The following ALK variants were observed in gnomAD, a reference collection of about 807,000 sequenced individuals.
The protein encoded by ALK is ALK tyrosine kinase receptor.
A neutral mutation model predicts 163.1 loss-of-function variants in ALK; 74 were observed. The ratio of observed to expected loss-of-function variants is 0.45; its 90% CI spans 0.38 to 0.55. ALK has a LOEUF of 0.55. ALK is among the 20% of genes least tolerant of loss of function. The probability of loss-of-function intolerance (pLI) is 0.00; values close to 1 mark genes in which losing one functional copy is unlikely to be tolerated. For synonymous variants in ALK, 960 were observed against 843.2 expected (o/e 1.14, Z -2.40); for missense variants, 2,063 against 2,105.3 (o/e 0.98, Z 0.39).
At chr2:29,583,736 C>T (rs949561427) in intron 3 of ALK, among the ~76,000 whole-genome samples, 2 of 152,128 alleles carry the variant, frequency 1.3e-5, no homozygotes, top group Non-Finnish European at 2.9e-5. Context: ...ACCTGATGAA[C>T]CAGATAAGCT....
At chr2:29,747,456 C>T (rs1680233791) in intron 1 of ALK, among the ~76,000 whole-genome samples, 1 of 152,134 alleles carries the variant, frequency 6.6e-6, no homozygotes, top group Admixed American at 6.5e-5. Context: ...ATTGAGTTAC[C>T]ATCAGGATAC....
chr2:29,706,228 A>T (rs146893069), intron 2 of ALK, among the ~76,000 whole-genome samples: 1 of 152,216 alleles, frequency 6.6e-6, no homozygotes, highest in East Asian at 1.9e-4. Context: ...AAACTCTCTA[A>T]CTTCACTCTA....
chr2:29,214,579 AATTG>A (rs534922735), intron 23 of ALK, among the ~76,000 whole-genome samples: 16 of 152,336 alleles, frequency 1.1e-4, no homozygotes, highest in East Asian at 7.7e-4. Context: ...CCAGCGCTAA[AATTG>A]ATTGAAAAAG....
intron 23 of ALK, among the ~76,000 whole-genome samples, chr2:29,219,507 G>A (rs527951205): frequency 6.6e-6 from 1 of 152,248 alleles, no homozygotes; most frequent in South Asian, 2.1e-4. Context: ...CGGGAGGGTG[G>A]CCGCTGCTTT....
intron 4 of ALK, among the ~76,000 whole-genome samples, chr2:29,521,808 T>C (rs1672820757): frequency 6.6e-6 from 1 of 152,166 alleles, no homozygotes; most frequent in South Asian, 2.1e-4. Flanking sequence ...TTCCATCTCC[T>C]CAATGCAGAC....
intron 25 of ALK, chr2:29,208,033 T>A (rs1397201067): frequency 4.4e-6 from 2 of 453,118 alleles, no homozygotes; most frequent in Non-Finnish European, 8.9e-6. Context: ...ATATTTAGTA[T>A]GTATCAGGTA....
intron 3 of ALK, among the ~76,000 whole-genome samples, chr2:29,534,733 T>C (rs1214765461): frequency 6.6e-6 from 1 of 152,160 alleles, no homozygotes; most frequent in Non-Finnish European, 1.5e-5. Context: ...GGTGTTGAGG[T>C]ATTGGACTAG....
chr2:29,840,362 G>A (rs1331344020), intron 1 of ALK, among the ~76,000 whole-genome samples: 1 of 152,156 alleles, frequency 6.6e-6, no homozygotes, highest in Non-Finnish European at 1.5e-5. Flanking sequence ...TCTTTCCACA[G>A]TTCCAAAATG....
chr2:29,830,647 T>C (rs996633348), intron 1 of ALK, among the ~76,000 whole-genome samples: 4 of 138,996 alleles, frequency 2.9e-5, no homozygotes, highest in Admixed American at 2.4e-4. Context: ...GGGAGGAGGA[T>C]TGCTTGAGGT....
intron 3 of ALK, among the ~76,000 whole-genome samples, chr2:29,563,664 C>T (rs1382362161): frequency 6.6e-6 from 1 of 152,160 alleles, no homozygotes; most frequent in Middle Eastern, 3.2e-3. Flanking sequence ...TTGCTCCTGA[C>T]CCCCAACTCT....
At chr2:29,548,631 G>A (rs1232023076) in intron 3 of ALK, among the ~76,000 whole-genome samples, 2 of 152,126 alleles carry the variant, frequency 1.3e-5, no homozygotes, top group Non-Finnish European at 2.9e-5. Context: ...TTGTTTTGGA[G>A]CTGAACTTCT....
chr2:29,383,808 C>T lies in ALK; in HGVS notation c.1206G>A (p.Val402=), dbSNP rs1489452308. 2 of 1,614,106 alleles carry T rather than the reference C, an allele frequency of 1.2e-6. No individual in the cohort carries two copies. Among genetic ancestry groups the T allele is most frequent in the Non-Finnish European group, 1.7e-6 (2 of 1,179,992 alleles). ...RIGRPDNPFR[V]ALEYISSGNR... is the part of the protein sequence containing the mutation. ...TTCCACTGGAGATGTATTCCAGGGC[C>T]ACTCGAAATGGGTTGTCTGGACGCC... is the stretch of plus-strand genomic sequence containing the variant. The change falls in exon 5 of 29, where the codon GTG becomes GTA. Residue 402 remains valine, a synonymous_variant. Coordinates refer to ENST00000389048, the MANE Select transcript of ALK (RefSeq NM_004304.5).
chr2:29,444,373 G>A, intron 4 of ALK, among the ~76,000 whole-genome samples: 1 of 144,364 alleles, frequency 6.9e-6, no homozygotes, highest in Admixed American at 6.7e-5. Flanking sequence ...CTGCCCCGTG[G>A]GTGCTCACTG....
intron 3 of ALK, among the ~76,000 whole-genome samples, chr2:29,611,719 T>G (rs1675696773): frequency 6.6e-6 from 1 of 152,102 alleles, no homozygotes; most frequent in South Asian, 2.1e-4. Flanking sequence ...GTGAGTGAAC[T>G]CTCAGGAGAT....
At chr2:29,573,950 T>C (rs1674450869) in intron 3 of ALK, among the ~76,000 whole-genome samples, 1 of 151,272 alleles carries the variant, frequency 6.6e-6, no homozygotes, top group Non-Finnish European at 1.5e-5. Context: ...ACCTGCACAA[T>C]AAAAAGGAGA....
chr2:29,427,396 T>A (rs1338943708), intron 4 of ALK, among the ~76,000 whole-genome samples: 1 of 152,086 alleles, frequency 6.6e-6, no homozygotes, highest in Non-Finnish European at 1.5e-5. Context: ...TGTATGAGAA[T>A]AATAGCATTA....
chr2:29,334,018 G>T (rs1288314977), intron 5 of ALK, among the ~76,000 whole-genome samples: 1 of 152,130 alleles, frequency 6.6e-6, no homozygotes, highest in Non-Finnish European at 1.5e-5. Context: ...GGTCACATGT[G>T]GGTTATCCTT....
At position 29,900,140 on chromosome 2, in the gene ALK, T is replaced by A. The variant is rs77689703; in HGVS notation, c.667+19853A>T. Among the ~76,000 whole-genome samples, 4 of 152,384 alleles carry A rather than the reference T, an allele frequency of 2.6e-5. No homozygotes were observed. In the East Asian group the frequency reaches 7.7e-4, roughly 29 times the overall value. On this transcript the variant is annotated intron_variant, in intron 1 of 28. Transcript: ENST00000389048. ...CGCCAATTTCCCTGTCTTGCCCAGA[T>A]GAATGGGCTTTGGAAAGCACACACA... is the stretch of plus-strand genomic sequence containing the variant.
intron 1 of ALK, among the ~76,000 whole-genome samples, chr2:29,744,483 T>C (rs1170601146): frequency 1.3e-5 from 2 of 152,178 alleles, no homozygotes; most frequent in Non-Finnish European, 2.9e-5. Context: ...TGGTCAACTC[T>C]AGCTCGCTTG....
Sources: allele counts gnomAD v4.1 joint callset (sites outside exome capture counted in the v4.1 genomes callset), GRCh38; gene constraint gnomAD v4.1.1; transcripts MANE v1.5; gene names NCBI Gene and HGNC (gene_info 2026-07-23, HGNC 2026-07-21).